The following MCF2L variants were observed in gnomAD, a reference collection of about 807,000 sequenced individuals.
MCF2L encodes MCF.2 cell line derived transforming sequence like.
A neutral mutation model predicts 153.4 loss-of-function variants in MCF2L; 97 were observed. The observed-to-expected ratio is 0.63, with a 90% CI of 0.54 to 0.75. The LOEUF is 0.75. Among genes scored for constraint, MCF2L ranks in the 30% least tolerant of loss-of-function variants. The probability of loss-of-function intolerance (pLI) is 0.00; values close to 1 mark genes in which losing one functional copy is unlikely to be tolerated. For missense variants in MCF2L, 1,347 were observed against 1,495.2 expected, an observed-to-expected ratio of 0.90 and a Z score of 1.64; for synonymous variants, 659 against 632.2, an observed-to-expected ratio of 1.04 and a Z score of -0.64.
upstream of MCF2L, chr13:112,969,181 C>G (rs2081957558): frequency 3.9e-6 from 3 of 770,058 alleles, no homozygotes; most frequent in East Asian, 1.6e-4. The surrounding 1 kb of genome is among the most constrained non-coding windows in gnomAD (Gnocchi z 4.8). Context: ...CCCCCGCCCC[C>G]CGCGGCGCAG....
rs1165950439 is a variant in MCF2L, at chr13:113,096,807, C to G, written c.3326C>G (p.Ser1109Trp). ...SSPGSAVLSN[S>W]SSCSEGGQAP... The stretch of plus-strand genomic sequence containing the variant: ...CCGGGGTCGGCCGTGCTGAGCAACT[C>G]GTCCAGCTGCAGCGAGGGCGGCCAG... Residue 1109 changes from serine to tryptophan, a missense_variant, in exon 30 of 30, where the codon TCG becomes TGG. By Grantham distance (177) the Ser-to-Trp change is radical (BLOSUM62 -3). Coordinates refer to ENST00000535094, the MANE Select transcript of MCF2L (RefSeq NM_001112732.3). 1.3e-6 allele frequency: 2 copies of G among 1,550,192 alleles called. No individual in the cohort carries two copies. The highest frequency in any genetic ancestry group is 1.2e-5 in the South Asian group (1 of 85,338).
At position 112,960,599 on chromosome 13, in the gene MCF2L, T is replaced by G. The variant is rs1244453417; in HGVS notation, c.170-54164T>G. Reference sequence around the variant, plus strand: ...TGTCCAGGGCTGTGTCAGTTTCCTATTGCAGTTGACAGATCACTGCAAACA... The same window carrying G: ...TGTCCAGGGCTGTGTCAGTTTCCTAGTGCAGTTGACAGATCACTGCAAACA... On this transcript the variant is annotated intron_variant, in intron 2 of 29. Transcript: ENST00000375608. This position sits in a 1 kb window ranked among gnomAD's most constrained non-coding sequence, Gnocchi z 4.2. Among the ~76,000 whole-genome samples, 4 of 152,156 alleles carry G rather than the reference T, an allele frequency of 2.6e-5. No individual in the cohort carries two copies. Among genetic ancestry groups the G allele is most frequent in the African/African-American group, 9.7e-5 (4 of 41,422 alleles).
At chr13:112,923,210 TGACA>T in intron 2 of MCF2L, among the ~76,000 whole-genome samples, 1 of 151,764 alleles carries the variant, frequency 6.6e-6, no homozygotes, top group East Asian at 1.9e-4. Context: ...AGAGAGTACG[TGACA>T]GACAGGCTAC....
At chr13:112,914,360 C>T (rs1024484304) in intron 2 of MCF2L, among the ~76,000 whole-genome samples, 6 of 152,198 alleles carry the variant, frequency 3.9e-5, no homozygotes, top group Admixed American at 3.3e-4. Flanking sequence ...GAAGAAGCAG[C>T]ATCCTTATTC....
chr13:113,003,737 G>A (rs977459684), intron 1 of MCF2L, among the ~76,000 whole-genome samples: 1 of 152,208 alleles, frequency 6.6e-6, no homozygotes, highest in Non-Finnish European at 1.5e-5. Context: ...CATTGAAGAA[G>A]CATTGTCGGT....
At chr13:112,917,863 C>T (rs972888832) in intron 2 of MCF2L, among the ~76,000 whole-genome samples, 2 of 152,196 alleles carry the variant, frequency 1.3e-5, no homozygotes, top group Non-Finnish European at 2.9e-5. Flanking sequence ...ACCCTCTGGA[C>T]TCTGACCTAG....
Position 112,910,469 on chromosome 13 carries a change from T to C in MCF2L, c.169+8098T>C, listed in dbSNP as rs776145459. ...TTTGGAAATGATTTAGTTGTTGAGA[T>C]CATAATTCTCCCTGGCACATCTTAC... is the stretch of plus-strand genomic sequence containing the variant. On this transcript the variant is annotated intron_variant, in intron 2 of 29. Coordinates refer to the MCF2L transcript ENST00000375608. 2.0e-5 allele frequency: 3 copies of C among 152,366 alleles called. No homozygotes were observed. In the East Asian group the frequency reaches 5.8e-4, roughly 29 times the overall value. The allele number at this position is 152,366 out of a possible 1,614,324, so 9.4% of individuals were successfully genotyped here.
chr13:112,955,290 TC>T (rs34071000), intron 2 of MCF2L, among the ~76,000 whole-genome samples: 49,489 of 151,890 alleles, frequency 0.33, 10,172 homozygotes, highest in African/African-American at 0.58. Flanking sequence ...CCGTCCTGGG[TC>T]CCCTTAGGCA....
intron 26 of MCF2L, among the ~76,000 whole-genome samples, chr13:113,092,046 C>T (rs921755956): frequency 4.6e-5 from 7 of 152,188 alleles, no homozygotes; most frequent in Admixed American, 2.6e-4. Flanking sequence ...GGTGGGCGCC[C>T]GGCTTGCTGC....
chr13:112,977,096 AC>A (rs555483920), intron 1 of MCF2L, among the ~76,000 whole-genome samples: 1 of 152,264 alleles, frequency 6.6e-6, no homozygotes, highest in African/African-American at 2.4e-5. Flanking sequence ...AAATCACCCA[AC>A]AGCTCATTTA....
At chr13:112,902,265 A>G (rs762683466) in exon 2 of MCF2L, 1 of 1,612,828 alleles carries the variant, frequency 6.2e-7, no homozygotes, top group East Asian at 2.2e-5. Flanking sequence ...ATTCTTCCCC[A>G]CAACGGCCCA....
chr13:112,992,597 G>A lies in MCF2L; in HGVS notation c.80-22166G>A, dbSNP rs188551605. ...TTAGGGAAATAAGCGTGGCCTGTAG[G>A]AAGCTGAGTTTGAAGCAGTGAGCTG... On this transcript the variant is annotated intron_variant, in intron 1 of 29. Transcript: ENST00000535094. Among the ~76,000 whole-genome samples the A allele has an allele frequency of 3.5e-4, 53 of 152,346 alleles. No individual in the cohort carries two copies. In the East Asian group the frequency reaches 0.01, roughly 29 times the overall value.
chr13:112,997,665 G>A (rs1209488503), intron 1 of MCF2L, among the ~76,000 whole-genome samples: 1 of 152,226 alleles, frequency 6.6e-6, no homozygotes, highest in East Asian at 1.9e-4. Context: ...TCCGGGAGGA[G>A]GAGAAAGCAA....
chr13:113,003,568 C>G (rs1166029632), intron 1 of MCF2L, among the ~76,000 whole-genome samples: 4 of 152,216 alleles, frequency 2.6e-5, no homozygotes, highest in Non-Finnish European at 5.9e-5. Flanking sequence ...CCCTGAAGCC[C>G]TGGCCACCCC....
At chr13:113,076,920 C>A (rs867587803) in intron 12 of MCF2L, 132 bp from the exon 13 acceptor site, 4 of 992,476 alleles carry the variant, frequency 4.0e-6, no homozygotes, top group Middle Eastern at 2.3e-4. Flanking sequence ...AGCTGCGCTG[C>A]GCTGACAGAC....
At chr13:113,082,401 C>G (rs779866543) in intron 16 of MCF2L, 26 bp from the exon 17 acceptor site, 3 of 1,502,268 alleles carry the variant, frequency 2.0e-6, no homozygotes, top group Non-Finnish European at 2.8e-6. Flanking sequence ...CCAGGACCCC[C>G]GCCGACCTCT....
Position 113,074,417 on chromosome 13 carries a change from C to A in MCF2L, c.997-27C>A. 1.9e-6 allele frequency: 3 copies of A among 1,604,204 alleles called. No homozygotes were observed. Among genetic ancestry groups the A allele is most frequent in the East Asian group, 2.2e-5 (1 of 44,608 alleles). Reference sequence around the variant, plus strand: ...TCTGTTCAGGTGAGGGAGACACCCCCCTGAGATGGGCCCTCCTCTGTTCCA... The same window carrying A: ...TCTGTTCAGGTGAGGGAGACACCCCACTGAGATGGGCCCTCCTCTGTTCCA... On this transcript the variant is annotated intron_variant, in intron 9 of 29. Coordinates refer to ENST00000535094, the MANE Select transcript of MCF2L (RefSeq NM_001112732.3). This position sits in a 1 kb window ranked among gnomAD's most constrained non-coding sequence, Gnocchi z 4.2.
intron 25 of MCF2L, 31 bp downstream of exon 25, chr13:113,088,659 G>A (rs757280807): frequency 1.1e-5 from 17 of 1,594,992 alleles, no homozygotes; most frequent in Admixed American, 6.8e-5. Context: ...GCAGGCCTGC[G>A]TTTCTGGAGC....
rs1231187774 is a variant in MCF2L, at chr13:112,928,423, CT to C, written c.169+26053del. Among the ~76,000 whole-genome samples, 3 of 152,290 alleles carry C rather than the reference CT, an allele frequency of 2.0e-5. No homozygotes were observed. The East Asian group carries it at 5.8e-4, about 29-fold the overall frequency. On this transcript the variant is annotated intron_variant, in intron 2 of 29. Transcript: ENST00000375608. ...TAATTAATTCTCTGCGTGAATGTGC[CT>C]CGTTATAATCCTTGGAAATGTGCAC...
Sources: allele counts gnomAD v4.1 joint callset (sites outside exome capture counted in the v4.1 genomes callset), GRCh38; gene constraint gnomAD v4.1.1; non-coding constraint Gnocchi (gnomAD v3.1); transcripts MANE v1.5; gene names NCBI Gene and HGNC (gene_info 2026-07-23, HGNC 2026-07-21).